ROBO2: variants seen among roughly 807,000 people sequenced by gnomAD.
ROBO2 encodes roundabout guidance receptor 2.
Under a neutral mutation model 160.8 loss-of-function variants are expected in ROBO2, and 53 were observed. That is an observed-to-expected ratio of 0.33 (90% CI 0.26 to 0.41). The LOEUF (loss-of-function observed/expected upper bound fraction) is 0.41, where lower values mean the gene tolerates loss of function less well. Among genes scored for constraint, ROBO2 ranks in the 10% least tolerant of loss-of-function variants. ROBO2 has a pLI of 1.00. For missense variants in ROBO2, 1,577 were observed against 1,722.4 expected (o/e 0.92, Z 1.49); for synonymous variants, 664 against 611.7 (o/e 1.09, Z -1.26).
Position 76,037,263 on chromosome 3 carries a change from T to C in ROBO2, c.109+99661T>C, listed in dbSNP as rs557263036. ...ATGCATGTACATTTTCTTTTTTCTT[T>C]TTTTTTTTTTTTTAGACAGAGTATC... On this transcript the variant is annotated intron_variant, in intron 2 of 26. Coordinates refer to the ROBO2 transcript ENST00000487694. 5.3e-5 allele frequency among the ~76,000 whole-genome samples: 8 copies of C among 150,100 alleles called. 1 individual carries two copies. In the South Asian group the frequency reaches 1.7e-3, roughly 31 times the overall value.
intron 2 of ROBO2, among the ~76,000 whole-genome samples, chr3:77,027,587 GGA>G (rs2063047344): frequency 6.6e-6 from 1 of 152,158 alleles, no homozygotes; most frequent in South Asian, 2.1e-4. Flanking sequence ...TTAAATGATG[GGA>G]ACTGTTAAAC....
intron 2 of ROBO2, among the ~76,000 whole-genome samples, chr3:76,216,067 A>T (rs913017922): frequency 2.0e-5 from 3 of 152,212 alleles, no homozygotes; most frequent in Admixed American, 6.5e-5. Context: ...ACTAAGCTTC[A>T]TAAGTGAAGG....
intron 24 of ROBO2, among the ~76,000 whole-genome samples, chr3:77,643,257 T>G (rs1043816818): frequency 1.3e-5 from 2 of 152,262 alleles, no homozygotes; most frequent in Admixed American, 6.5e-5. Flanking sequence ...TCGCTAAATT[T>G]AATCTTTTCT....
At chr3:76,961,565 C>T (rs1214959906) in intron 2 of ROBO2, among the ~76,000 whole-genome samples, 2 of 152,084 alleles carry the variant, frequency 1.3e-5, no homozygotes, top group African/African-American at 2.4e-5. Flanking sequence ...GAAGTGAACA[C>T]ACAGTGGAAA....
chr3:77,393,121 G>A (rs964273627), intron 2 of ROBO2, among the ~76,000 whole-genome samples: 1 of 152,014 alleles, frequency 6.6e-6, no homozygotes, highest in African/African-American at 2.4e-5. Context: ...TGCATTTATT[G>A]AAAATTTTCT....
At chr3:76,276,965 A>G (rs557239017) in intron 2 of ROBO2, among the ~76,000 whole-genome samples, 48 of 152,150 alleles carry the variant, frequency 3.2e-4, no homozygotes, top group African/African-American at 1.1e-3. Context: ...TTTATATTTT[A>G]TATATACATT....
intron 2 of ROBO2, among the ~76,000 whole-genome samples, chr3:76,995,148 G>A: frequency 7.6e-6 from 1 of 130,854 alleles, no homozygotes; most frequent in Non-Finnish European, 1.5e-5. Context: ...CCCTTCCTGT[G>A]TCCAAGTGTT....
chr3:77,284,613 C>A (rs765983068), intron 2 of ROBO2, among the ~76,000 whole-genome samples: 1 of 152,020 alleles, frequency 6.6e-6, no homozygotes, highest in Non-Finnish European at 1.5e-5. Context: ...AAGTGGGTAG[C>A]ATGGTTTTGT....
intron 2 of ROBO2, among the ~76,000 whole-genome samples, chr3:77,329,164 GA>G (rs2065741424): frequency 6.6e-6 from 1 of 151,982 alleles, no homozygotes; most frequent in African/African-American, 2.4e-5. Context: ...TTCTTTTGTG[GA>G]TAAAAAGAAG....
At chr3:76,272,745 C>A (rs189927342) in intron 2 of ROBO2, among the ~76,000 whole-genome samples, 99 of 44,920 alleles carry the variant, frequency 2.2e-3, no homozygotes, top group Middle Eastern at 0.019. Flanking sequence ...TATATATTCT[C>A]TATATATAAA....
chr3:76,156,607 G>A (rs2072418683), intron 2 of ROBO2, among the ~76,000 whole-genome samples: 1 of 152,222 alleles, frequency 6.6e-6, no homozygotes, highest in Non-Finnish European at 1.5e-5. Context: ...CTTATGGCAT[G>A]TCAGACCTTG....
intron 1 of ROBO2, among the ~76,000 whole-genome samples, chr3:75,925,063 G>A (rs1416820552): frequency 6.6e-6 from 1 of 151,950 alleles, no homozygotes; most frequent in Non-Finnish European, 1.5e-5. Context: ...TCTATTTTGT[G>A]AAGGATGATT....
intron 2 of ROBO2, among the ~76,000 whole-genome samples, chr3:76,011,941 T>C (rs1043796169): frequency 6.6e-6 from 1 of 152,190 alleles, no homozygotes; most frequent in Non-Finnish European, 1.5e-5. Context: ...AGTGACTCGA[T>C]GCAATCACCT....
intron 2 of ROBO2, among the ~76,000 whole-genome samples, chr3:76,192,158 C>T (rs1463759954): frequency 6.6e-6 from 1 of 151,608 alleles, no homozygotes; most frequent in Non-Finnish European, 1.5e-5. Context: ...CCCTTAGTAA[C>T]CTGACCTTCG....
intron 2 of ROBO2, among the ~76,000 whole-genome samples, chr3:76,894,967 T>C (rs1159205953): frequency 6.6e-6 from 1 of 152,130 alleles, no homozygotes; most frequent in Non-Finnish European, 1.5e-5. Flanking sequence ...GAAAATATAT[T>C]AGAGAATTGT....
At chr3:76,729,857 C>T (rs1218529095) in intron 2 of ROBO2, among the ~76,000 whole-genome samples, 2 of 152,024 alleles carry the variant, frequency 1.3e-5, no homozygotes, top group African/African-American at 4.8e-5. Context: ...AGGCTGGTCT[C>T]GAACTCCTGA....
intron 2 of ROBO2, among the ~76,000 whole-genome samples, chr3:77,221,153 T>C (rs576747714): frequency 1.3e-5 from 2 of 152,288 alleles, no homozygotes; most frequent in South Asian, 4.1e-4. Flanking sequence ...TCCATGGCTC[T>C]AGTGGTTCAT....
rs565911011 is a variant in ROBO2 at position 76,581,110 on chromosome 3, G to C, written c.110-516904G>C. Among the ~76,000 whole-genome samples, 3 of 152,232 alleles carry C rather than the reference G, an allele frequency of 2.0e-5. No homozygotes were observed. In the South Asian group the frequency reaches 6.2e-4, roughly 32 times the overall value. On this transcript the variant is annotated intron_variant, in intron 2 of 26. Coordinates refer to the ROBO2 transcript ENST00000487694. ...TAGTATTTGTATGTACTGTCCTGAGGTATTCACAAGGCTCAGAAATTTACA... is the reference window on the plus strand; with the variant it reads ...TAGTATTTGTATGTACTGTCCTGAGCTATTCACAAGGCTCAGAAATTTACA...
intron 2 of ROBO2, among the ~76,000 whole-genome samples, chr3:77,399,853 C>G (rs2075633955): frequency 6.6e-6 from 1 of 152,042 alleles, no homozygotes; most frequent in African/African-American, 2.4e-5. Context: ...CCCCAGAAAC[C>G]CTAAGTAACC....
Sources: allele counts gnomAD v4.1 joint callset (sites outside exome capture counted in the v4.1 genomes callset), GRCh38; gene constraint gnomAD v4.1.1; transcripts MANE v1.5; gene names NCBI Gene and HGNC (gene_info 2026-07-23, HGNC 2026-07-21).